MTMR9: variants seen among roughly 807,000 people sequenced by gnomAD.
The protein encoded by MTMR9 is myotubularin-related protein 9.
MTMR9 carries 39 observed loss-of-function variants against 69.5 expected under a neutral mutation model. The observed-to-expected ratio is 0.56, with a 90% CI of 0.43 to 0.73. The LOEUF is 0.73. Among genes scored for constraint, MTMR9 ranks in the 30% least tolerant of loss-of-function variants. MTMR9 has a pLI of 0.00. For synonymous variants in MTMR9, 354 were observed against 240.8 expected (o/e 1.47, Z -4.35); for missense variants, 900 against 671.2 (o/e 1.34, Z -3.77).
rs2117334104 is a variant in MTMR9 at position 11,285,039 on chromosome 8, C to T, written c.151C>T (p.Leu51Phe). 8 of 1,611,254 alleles carry T rather than the reference C, an allele frequency of 5.0e-6. No homozygotes were observed. The highest frequency in any genetic ancestry group is 6.8e-6 in the Non-Finnish European group (8 of 1,178,588). ...GGACAATACGGAGGAGCTGTGGCTC[C>T]TCCATTCAAACATCGACGCCATCGA... ...RQDNTEELWLLHSNIDAIDKR... is the reference protein window; with the variant it reads ...RQDNTEELWLFHSNIDAIDKR... The change falls in exon 1 of 10, where the codon CTC becomes TTC. Residue 51 changes from leucine to phenylalanine, a missense_variant. Transcript: ENST00000221086.
At chr8:11,303,674 C>A (rs1799832958) in intron 3 of MTMR9, among the ~76,000 whole-genome samples, 1 of 152,068 alleles carries the variant, frequency 6.6e-6, no homozygotes, top group South Asian at 2.1e-4. Flanking sequence ...GCTGGAAATA[C>A]AAGTGTGTGC....
downstream of MTMR9, chr8:11,331,603 T>A (rs1195018820): frequency 6.2e-7 from 1 of 1,613,458 alleles, no homozygotes; most frequent in Non-Finnish European, 8.5e-7. Context: ...TTGGGCAGCA[T>A]CCTAGGACTA....
intron 1 of MTMR9, among the ~76,000 whole-genome samples, chr8:11,288,376 T>G (rs1342732086): frequency 6.9e-6 from 1 of 144,368 alleles, no homozygotes; most frequent in African/African-American, 2.6e-5. Flanking sequence ...TATAATGATG[T>G]CAGGTAATAA....
At chr8:11,309,464 G>C in intron 5 of MTMR9, 63 bp from the exon 6 acceptor site, 2 of 1,434,126 alleles carry the variant, frequency 1.4e-6, no homozygotes, top group Non-Finnish European at 1.9e-6. Context: ...TGAATCTTTG[G>C]TTTGGTTTCT....
rs770221085 is a variant in MTMR9 at position 11,309,683 on chromosome 8, C to G, written c.966C>G (p.Ile322Met). 3 of 1,613,450 alleles carry G rather than the reference C, an allele frequency of 1.9e-6. No individual in the cohort carries two copies. Among genetic ancestry groups the G allele is most frequent in the Non-Finnish European group, 2.5e-6 (3 of 1,179,708 alleles). Residue 322 changes from isoleucine (I) to methionine (M), a missense_variant, in exon 6 of 10, where the codon ATC becomes ATG. Coordinates refer to ENST00000221086, the MANE Select transcript of MTMR9 (RefSeq NM_015458.4). ...LTTACLAAQC[I>M]DREGASILIH... ...CTGCCTGCCTAGCGGCTCAGTGCAT[C>G]GACAGGTAAAGTGCATTTCAGCGTT...
At chr8:11,306,072 C>T (rs1449171689) in intron 4 of MTMR9, 118 bp from the exon 5 acceptor site, 2 of 763,188 alleles carry the variant, frequency 2.6e-6, no homozygotes, top group South Asian at 1.8e-5. Context: ...GGATCAAATC[C>T]ATCTGCAGAG....
chr8:11,331,535 T>C, downstream of MTMR9: 3 of 1,613,800 alleles, frequency 1.9e-6, no homozygotes, highest in Non-Finnish European at 2.5e-6. Flanking sequence ...TATGCTCCGC[T>C]GTCCTCACCC....
intron 2 of MTMR9, chr8:11,298,905 T>A: frequency 2.0e-6 from 2 of 982,840 alleles, no homozygotes; most frequent in Non-Finnish European, 1.2e-6. Flanking sequence ...GCTGATAGAG[T>A]TATTGCCCCC....
At chr8:11,332,847 G>A (rs759243966), downstream of MTMR9, among the ~76,000 whole-genome samples, 5 of 152,080 alleles carry the variant, frequency 3.3e-5, no homozygotes, top group Non-Finnish European at 5.9e-5. Context: ...TGATCCACCC[G>A]CCTTGGCCTC....
At chr8:11,316,260 G>T (rs928002617) in intron 7 of MTMR9, 1 of 153,376 alleles carries the variant, frequency 6.5e-6, no homozygotes, top group Non-Finnish European at 1.4e-5. Context: ...GGCTTGTTTA[G>T]TGTACAGCAC....
intron 1 of MTMR9, among the ~76,000 whole-genome samples, chr8:11,294,206 T>C (rs1017311471): frequency 1.3e-5 from 2 of 152,220 alleles, no homozygotes; most frequent in Non-Finnish European, 2.9e-5. Context: ...TTTACTTCTT[T>C]TTTAATCCTT....
At chr8:11,306,913 T>C (rs1192430862) in intron 5 of MTMR9, among the ~76,000 whole-genome samples, 5 of 152,154 alleles carry the variant, frequency 3.3e-5, no homozygotes, top group Admixed American at 2.6e-4. Flanking sequence ...ACCATTCTAC[T>C]CTCTGTTTCT....
chr8:11,330,685 A>G (rs1801178868), downstream of MTMR9, among the ~76,000 whole-genome samples: 1 of 152,092 alleles, frequency 6.6e-6, no homozygotes. Flanking sequence ...GGGCGGTGCA[A>G]GATGTGCTTT....
At chr8:11,310,338 G>A (rs1249940137) in intron 6 of MTMR9, among the ~76,000 whole-genome samples, 4 of 152,296 alleles carry the variant, frequency 2.6e-5, no homozygotes, top group Admixed American at 6.5e-5. Flanking sequence ...TTAGAATGCC[G>A]TTTCTAAGAA....
chr8:11,299,991 C>G, intron 2 of MTMR9, 32 bp from the exon 3 acceptor site: 1 of 1,598,196 alleles, frequency 6.3e-7, no homozygotes, highest in Non-Finnish European at 8.5e-7. Flanking sequence ...GTGGATGTTT[C>G]TTTTTTGTCT....
intron 6 of MTMR9, 34 bp downstream of exon 6, chr8:11,309,722 T>C (rs747922291): frequency 2.5e-6 from 4 of 1,607,494 alleles, no homozygotes; most frequent in South Asian, 1.1e-5. Context: ...GAGCGAAACA[T>C]GGCGCTGCTA....
downstream of MTMR9, chr8:11,331,209 G>C (rs1801208098): frequency 1.2e-6 from 2 of 1,613,870 alleles, no homozygotes; most frequent in Non-Finnish European, 1.7e-6. Context: ...CCAGCCCTCT[G>C]GTGCCACCAA....
chr8:11,305,553 A>C (rs1799907848), intron 4 of MTMR9, among the ~76,000 whole-genome samples: 1 of 152,228 alleles, frequency 6.6e-6, no homozygotes. Context: ...GCCAGGGAAG[A>C]GATTAGTATA....
At chr8:11,296,445 A>G (rs1047499295) in intron 2 of MTMR9, among the ~76,000 whole-genome samples, 1 of 152,202 alleles carries the variant, frequency 6.6e-6, no homozygotes, top group Admixed American at 6.5e-5. Flanking sequence ...ACAGTTTAGT[A>G]GGGTATAAAA....
Sources: gnomAD v4.1 joint callset for allele counts (sites outside exome capture counted in the v4.1 genomes callset) on GRCh38, gnomAD v4.1.1 for gene constraint, MANE v1.5 for transcripts, NCBI Gene and HGNC (gene_info 2026-07-23, HGNC 2026-07-21) for gene names.